Variants in ARHGAP28 observed in about 807,000 individuals in gnomAD.
The protein encoded by ARHGAP28 is rho GTPase-activating protein 28.
In ARHGAP28, 56 loss-of-function variants were observed where a neutral mutation model predicts 90.7. The observed-to-expected ratio is 0.62, with a 90% confidence interval of 0.50 to 0.77. ARHGAP28 has a LOEUF of 0.77. Ranked by LOEUF, ARHGAP28 falls within the 30% of genes least tolerant of loss-of-function variation. The pLI is 0.00. For missense variants in ARHGAP28, 869 were observed against 900.9 expected, an observed-to-expected ratio of 0.96 and a Z score of 0.45; for synonymous variants, 308 against 323.3, an observed-to-expected ratio of 0.95 and a Z score of 0.51.
chr18:6,818,476 C>G (rs570118451), intron 1 of ARHGAP28, among the ~76,000 whole-genome samples: 34 of 152,290 alleles, frequency 2.2e-4, no homozygotes, highest in African/African-American at 8.2e-4. Flanking sequence ...GTTAATAAGA[C>G]AAACATGGTT....
At chr18:6,780,757 T>C (rs1268082497) in intron 1 of ARHGAP28, among the ~76,000 whole-genome samples, 3 of 152,030 alleles carry the variant, frequency 2.0e-5, no homozygotes, top group Non-Finnish European at 4.4e-5. Flanking sequence ...GGCATGGTCG[T>C]GGCAGGCGCC....
At chr18:6,791,824 T>C (rs1443996797) in intron 1 of ARHGAP28, among the ~76,000 whole-genome samples, 1 of 152,126 alleles carries the variant, frequency 6.6e-6, no homozygotes, top group Non-Finnish European at 1.5e-5. Flanking sequence ...TTTTTCTTTT[T>C]TTTTTAATTT....
chr18:6,878,599 C>T (rs1814014297), intron 10 of ARHGAP28, among the ~76,000 whole-genome samples: 1 of 152,208 alleles, frequency 6.6e-6, no homozygotes, highest in East Asian at 1.9e-4. Flanking sequence ...TTCTCAAAGG[C>T]TAATCGTTCC....
chr18:6,766,118 T>C (rs2143370801), intron 1 of ARHGAP28, among the ~76,000 whole-genome samples: 1 of 152,324 alleles, frequency 6.6e-6, no homozygotes, highest in East Asian at 1.9e-4. Flanking sequence ...TAAGTGAATT[T>C]GGCTGAGGCT....
At chr18:6,793,022 T>C (rs2056417222) in intron 1 of ARHGAP28, among the ~76,000 whole-genome samples, 1 of 152,198 alleles carries the variant, frequency 6.6e-6, no homozygotes, top group Non-Finnish European at 1.5e-5. Context: ...AACAACTTAT[T>C]ATTCTGCATG....
At chr18:6,857,724 G>T (rs1041883674) in intron 4 of ARHGAP28, among the ~76,000 whole-genome samples, 1 of 152,218 alleles carries the variant, frequency 6.6e-6, no homozygotes, top group Admixed American at 6.5e-5. Flanking sequence ...TGTGTGAAAG[G>T]TGTTCTGCAA....
chr18:6,894,307 A>G (rs1253840798), intron 14 of ARHGAP28, among the ~76,000 whole-genome samples: 2 of 152,216 alleles, frequency 1.3e-5, no homozygotes, highest in African/African-American at 4.8e-5. Flanking sequence ...AGTATCACCA[A>G]CGGCAGGGTG....
intron 6 of ARHGAP28, among the ~76,000 whole-genome samples, chr18:6,869,213 C>A (rs940744386): frequency 6.6e-6 from 1 of 150,800 alleles, no homozygotes; most frequent in African/African-American, 2.4e-5. Flanking sequence ...ATGCAAGCCC[C>A]TGTATAACAA....
chr18:6,839,672 T>G (rs934269062), intron 3 of ARHGAP28, among the ~76,000 whole-genome samples: 1 of 152,214 alleles, frequency 6.6e-6, no homozygotes, highest in Non-Finnish European at 1.5e-5. Context: ...ATTTGGTGTT[T>G]GAAGAAAGGA....
At chr18:6,885,320 T>A (rs1186503409) in intron 11 of ARHGAP28, among the ~76,000 whole-genome samples, 1 of 152,206 alleles carries the variant, frequency 6.6e-6, no homozygotes, top group Non-Finnish European at 1.5e-5. Context: ...TTTTGCCACC[T>A]AAGTAAGCTC....
chr18:6,874,288 G>A (rs965612527), intron 9 of ARHGAP28, among the ~76,000 whole-genome samples: 1 of 152,194 alleles, frequency 6.6e-6, no homozygotes, highest in Non-Finnish European at 1.5e-5. Flanking sequence ...AAACCAGCAT[G>A]TTCCAGTCAT....
intron 3 of ARHGAP28, among the ~76,000 whole-genome samples, chr18:6,847,630 G>GGTGTGTGTGTGT (rs60063372): frequency 1.0e-4 from 15 of 150,400 alleles, no homozygotes; most frequent in Middle Eastern, 6.8e-3. Flanking sequence ...AGAGAGTGGG[G>GGTGTGTGTGTGT]GTGTGTGTGT....
intron 1 of ARHGAP28, among the ~76,000 whole-genome samples, chr18:6,755,264 A>G (rs180999734): frequency 6.6e-6 from 1 of 152,348 alleles, no homozygotes; most frequent in East Asian, 1.9e-4. Context: ...GTCAAAGGCA[A>G]TATGGGAAAC....
chr18:6,814,620 A>T (rs1286601569), intron 1 of ARHGAP28, among the ~76,000 whole-genome samples: 1 of 152,170 alleles, frequency 6.6e-6, no homozygotes, highest in Non-Finnish European at 1.5e-5. Flanking sequence ...TAGAAAGTCA[A>T]GGTAAATTCT....
intron 1 of ARHGAP28, among the ~76,000 whole-genome samples, chr18:6,739,675 C>G: frequency 6.6e-6 from 1 of 150,964 alleles, no homozygotes; most frequent in South Asian, 2.1e-4. Context: ...CTCTCTCTTT[C>G]TTTCAGAAGG....
chr18:6,840,681 G>C (rs528910926), intron 3 of ARHGAP28, among the ~76,000 whole-genome samples: 1 of 152,256 alleles, frequency 6.6e-6, no homozygotes, highest in South Asian at 2.1e-4. Flanking sequence ...TTTCCTCCCA[G>C]TCCTGCTGCT....
intron 12 of ARHGAP28, among the ~76,000 whole-genome samples, chr18:6,888,682 A>G (rs1051254289): frequency 2.0e-5 from 3 of 152,214 alleles, no homozygotes; most frequent in Non-Finnish European, 4.4e-5. Context: ...CTGAGTCAAA[A>G]TGTCATCTAC....
At chr18:6,832,310 T>A (rs987415564) in intron 2 of ARHGAP28, among the ~76,000 whole-genome samples, 10 of 151,646 alleles carry the variant, frequency 6.6e-5, no homozygotes, top group African/African-American at 2.4e-4. Context: ...TTAGACTTAT[T>A]TTATGGCTCA....
chr18:6,828,777 A>C (rs976695145), intron 2 of ARHGAP28, among the ~76,000 whole-genome samples: 1 of 152,220 alleles, frequency 6.6e-6, no homozygotes, highest in Admixed American at 6.5e-5. Flanking sequence ...CAAAAAGAGC[A>C]AAACTACTCA....
Sources: allele counts gnomAD v4.1 joint callset (sites outside exome capture counted in the v4.1 genomes callset), GRCh38; gene constraint gnomAD v4.1.1; transcripts MANE v1.5; gene names NCBI Gene and HGNC (gene_info 2026-07-23, HGNC 2026-07-21).